The following LYST variants were observed in gnomAD, a reference collection of about 807,000 sequenced individuals.
LYST encodes the protein lysosomal trafficking regulator.
A neutral mutation model predicts 413.6 loss-of-function variants in LYST; 192 were observed. The observed-to-expected ratio is 0.46, with a 90% CI of 0.41 to 0.52. The LOEUF (loss-of-function observed/expected upper bound fraction) is 0.52, where lower values mean the gene tolerates loss of function less well. Among genes scored for constraint, LYST ranks in the 20% least tolerant of loss-of-function variants. LYST has a pLI of 0.00. For missense variants in LYST, 3,815 were observed against 4,499.9 expected (o/e 0.85, Z 4.35); for synonymous variants, 1,525 against 1,567.3 (o/e 0.97, Z 0.64).
At chr1:235,696,297 T>C (rs556594476) in intron 46 of LYST, among the ~76,000 whole-genome samples, 138 of 152,340 alleles carry the variant, frequency 9.1e-4, no homozygotes, top group Admixed American at 3.3e-3. Context: ...GAAGGCTATA[T>C]ATGGCTCCCA....
At chr1:235,715,887 G>A (rs565357723) in intron 41 of LYST, among the ~76,000 whole-genome samples, 21 of 151,422 alleles carry the variant, frequency 1.4e-4, no homozygotes, top group Admixed American at 3.3e-4. Context: ...AAAAGAATAT[G>A]GTGATTTTTC....
In LYST at chr1:235,787,259, C is replaced by T. The variant is rs201035814; in HGVS notation, c.4803G>A (p.Gln1601=). The change falls in exon 14 of 53, where the codon CAG becomes CAA. Residue 1601 remains glutamine (Q), a synonymous_variant. Transcript: ENST00000389793. ...GAATCCTCCTTTTCCCTTGGGGCTG[C>T]TGTAAGTAGGTGAGTACTAAATGTT... ...KWQHLVLTYL[Q]QPQGKRRIHG... 6.2e-7 allele frequency: 1 copy of T among 1,613,698 alleles called. No homozygotes were observed. Among genetic ancestry groups the T allele is most frequent in the Non-Finnish European group, 8.5e-7 (1 of 1,179,750 alleles).
At chr1:235,791,200 T>G (rs1017058842) in intron 12 of LYST, among the ~76,000 whole-genome samples, 15 of 151,978 alleles carry the variant, frequency 9.9e-5, no homozygotes, top group African/African-American at 3.4e-4. Flanking sequence ...GAGAATCGCT[T>G]GAACCTGGGA....
intron 14 of LYST, among the ~76,000 whole-genome samples, chr1:235,782,496 T>C (rs1276786199): frequency 6.6e-6 from 1 of 152,048 alleles, no homozygotes; most frequent in African/African-American, 2.4e-5. Flanking sequence ...TCTTGAACAA[T>C]TTTCTTGGGT....
chr1:235,822,031 A>ACC (rs1364771055), intron 3 of LYST, among the ~76,000 whole-genome samples: 3 of 152,186 alleles, frequency 2.0e-5, no homozygotes, highest in African/African-American at 7.2e-5. Context: ...CATAGAGTGA[A>ACC]CCCCACTAAG....
intron 1 of LYST, among the ~76,000 whole-genome samples, chr1:235,844,919 A>T (rs1035486496): frequency 3.3e-5 from 5 of 152,172 alleles, no homozygotes; most frequent in African/African-American, 1.2e-4. Context: ...TCAATACTAG[A>T]TGTGTTAAGC....
intron 38 of LYST, 108 bp downstream of exon 38, chr1:235,727,968 A>T: frequency 1.2e-6 from 1 of 842,598 alleles, no homozygotes; most frequent in Non-Finnish European, 2.1e-6. Context: ...ACATAGAGTG[A>T]CAAAGAATGA....
At chr1:235,791,093 G>C (rs1670926171) in intron 12 of LYST, among the ~76,000 whole-genome samples, 2 of 152,148 alleles carry the variant, frequency 1.3e-5, no homozygotes, top group African/African-American at 4.8e-5. Context: ...AGACCAGCCT[G>C]GCCAACATGG....
intron 39 of LYST, among the ~76,000 whole-genome samples, chr1:235,722,408 G>A (rs933115022): frequency 1.3e-5 from 2 of 152,208 alleles, no homozygotes; most frequent in East Asian, 3.8e-4. Context: ...AAATGGTAGT[G>A]AAGGGACTGG....
chr1:235,829,859 A>C (rs1302269067), intron 3 of LYST: 1 of 178,586 alleles, frequency 5.6e-6, no homozygotes, highest in East Asian at 1.6e-4. Flanking sequence ...TTTTTCAAAA[A>C]CATACTTGAT....
chr1:235,766,203 G>A lies in LYST; in HGVS notation c.5997C>T (p.Val1999=), dbSNP rs778100106. ...CRSFVKIIAE[V]LGSPPDLELL... ...ATTCCAAATCTGGAGGAGATCCAAG[G>A]ACTTCTGCTATAATTTTCACAAATG... The change falls in exon 21 of 53, where the codon GTC becomes GTT. Residue 1999 remains valine (V), a synonymous_variant. Coordinates refer to ENST00000389793, the MANE Select transcript of LYST (RefSeq NM_000081.4). 7 of 1,613,346 alleles carry A rather than the reference G, an allele frequency of 4.3e-6. No individual in the cohort carries two copies. Among genetic ancestry groups the A allele is most frequent in the Middle Eastern group, 1.6e-4 (1 of 6,076 alleles).
chr1:235,862,522 G>A (rs1045974458), intron 1 of LYST, among the ~76,000 whole-genome samples: 35 of 152,144 alleles, frequency 2.3e-4, no homozygotes, highest in Admixed American at 1.8e-3. Context: ...AAGGCCGGGT[G>A]CGGTGGCTCA....
At chr1:235,818,693 A>C (rs576528873) in intron 3 of LYST, among the ~76,000 whole-genome samples, 58 of 152,260 alleles carry the variant, frequency 3.8e-4, no homozygotes, top group African/African-American at 1.3e-3. Flanking sequence ...AGTCCTCCTA[A>C]TCTGAGTCTT....
chr1:235,821,821 A>G (rs920870892), intron 3 of LYST, among the ~76,000 whole-genome samples: 2 of 152,222 alleles, frequency 1.3e-5, no homozygotes, highest in African/African-American at 4.8e-5. Flanking sequence ...GCCTGCTCCC[A>G]TTCTGCCCCA....
Position 235,734,533 on chromosome 1 carries a change from T to G in LYST, c.8485A>C (p.Ile2829Leu). 3 of 1,613,760 alleles carry G rather than the reference T, an allele frequency of 1.9e-6. No individual in the cohort carries two copies. Among genetic ancestry groups the G allele is most frequent in the Non-Finnish European group, 1.7e-6 (2 of 1,179,682 alleles). The change falls in exon 32 of 53, where the codon ATC becomes CTC. Residue 2829 changes from isoleucine (I) to leucine (L), a missense_variant. Transcript: ENST00000389793. Reference protein sequence around the residue: ...NALKLCGHKCIPPSASTKADL... With the variant: ...NALKLCGHKCLPPSASTKADL... ...GCTTTTGTTGATGCACTGGGAGGGA[T>G]GCACTTGTGACCACATAACTTCAAA...
intron 1 of LYST, among the ~76,000 whole-genome samples, chr1:235,849,769 T>A (rs368052236): frequency 4.5e-5 from 2 of 44,192 alleles, no homozygotes; most frequent in African/African-American, 2.1e-4. Context: ...CCTTTTACAA[T>A]AGCTCCAAAA....
chr1:235,804,714 A>C, intron 6 of LYST, 49 bp from the exon 7 acceptor site: 1 of 1,077,332 alleles, frequency 9.3e-7, no homozygotes, highest in South Asian at 1.4e-5. Flanking sequence ...ATTTTAAAAA[A>C]CTAAATGATG....
intron 44 of LYST, among the ~76,000 whole-genome samples, chr1:235,703,921 C>T (rs1014098608): frequency 4.6e-5 from 5 of 107,698 alleles, no homozygotes; most frequent in African/African-American, 2.0e-4. Flanking sequence ...ATCCCTCACC[C>T]TAAAATAGGC....
Position 235,753,125 on chromosome 1 carries a change from T to C in LYST, c.7379A>G (p.Lys2460Arg). ...ATTATCCAGCAACATATCTGCTACC[T>C]TAGAACAAGAATTTAAAATTTGGAG... Reference protein sequence around the residue: ...LLLQILNSCSKVADMLLDNGL... With the variant: ...LLLQILNSCSRVADMLLDNGL... The change falls in exon 26 of 53, where the codon AAG becomes AGG. Residue 2460 changes from lysine to arginine, a missense_variant. Transcript: ENST00000389793. 2 of 1,609,906 alleles carry C rather than the reference T, an allele frequency of 1.2e-6. No individual in the cohort carries two copies. Among genetic ancestry groups the C allele is most frequent in the Non-Finnish European group, 1.7e-6 (2 of 1,176,442 alleles).
Sources: gnomAD v4.1 joint callset for allele counts (sites outside exome capture counted in the v4.1 genomes callset) on GRCh38, gnomAD v4.1.1 for gene constraint, MANE v1.5 for transcripts, NCBI Gene and HGNC (gene_info 2026-07-23, HGNC 2026-07-21) for gene names.